Variants in NRXN3 observed in about 807,000 individuals in gnomAD.
The protein encoded by NRXN3 is neurexin III.
In NRXN3, 32 loss-of-function variants were observed where a neutral mutation model predicts 137.6. The observed-to-expected ratio is 0.23, with a 90% CI of 0.18 to 0.31. The LOEUF (loss-of-function observed/expected upper bound fraction) is 0.31, where lower values mean the gene tolerates loss of function less well. Among genes scored for constraint, NRXN3 ranks in the 10% least tolerant of loss-of-function variants. The pLI is 1.00. For synonymous variants in NRXN3, 798 were observed against 784.5 expected (o/e 1.02, Z -0.29); for missense variants, 1,574 against 2,062.5 (o/e 0.76, Z 4.59).
intron 16 of NRXN3, among the ~76,000 whole-genome samples, chr14:79,594,799 T>C (rs1042702609): frequency 1.3e-5 from 2 of 152,154 alleles, no homozygotes; most frequent in African/African-American, 4.8e-5. Context: ...TAACAAATGA[T>C]GAAGTATAGT....
chr14:78,387,600 C>T (rs1302252531), intron 4 of NRXN3, among the ~76,000 whole-genome samples: 3 of 152,286 alleles, frequency 2.0e-5, no homozygotes, highest in East Asian at 1.9e-4. Flanking sequence ...GCCTAATTGG[C>T]CCCTCTCTTG....
chr14:78,990,361 A>ATTTTTTTTTTTTTTTTTTTTTTTT (rs1163720240), intron 15 of NRXN3, among the ~76,000 whole-genome samples: 1 of 76,070 alleles, frequency 1.3e-5, no homozygotes, highest in African/African-American at 5.4e-5. Flanking sequence ...GTTCACATCT[A>ATTTTTTTTTTTTTTTTTTTTTTTT]TTTTTTTTTT....
chr14:78,911,922 G>GTT lies in NRXN3; in HGVS notation c.2276-45311_2276-45310dup, dbSNP rs5809909. On this transcript the variant is annotated intron_variant, in intron 10 of 20. Transcript: ENST00000335750. ...GGTATGTTTTTTTCCTTATGTACAG[G>GTT]TTTTTTTTTTATTATACTTTAAGTT... 2.9e-4 allele frequency among the ~76,000 whole-genome samples: 44 copies of GTT among 149,212 alleles called. No individual in the cohort carries two copies. In the South Asian group the frequency reaches 7.3e-3, roughly 25 times the overall value.
intron 9 of NRXN3, among the ~76,000 whole-genome samples, chr14:78,808,434 G>A (rs1356066387): frequency 2.6e-4 from 40 of 152,094 alleles, no homozygotes; most frequent in Admixed American, 2.2e-3. Flanking sequence ...TCTCATAAGC[G>A]TGCCCATACA....
intron 15 of NRXN3, among the ~76,000 whole-genome samples, chr14:79,107,967 G>A (rs1435774906): frequency 6.6e-6 from 1 of 152,142 alleles, no homozygotes; most frequent in Non-Finnish European, 1.5e-5. Context: ...AATATGGTTA[G>A]TATCTATTCC....
At chr14:79,266,169 A>T (rs1023913130) in intron 15 of NRXN3, among the ~76,000 whole-genome samples, 3 of 152,162 alleles carry the variant, frequency 2.0e-5, no homozygotes, top group Non-Finnish European at 4.4e-5. Flanking sequence ...CCAGGGACTA[A>T]AATCCAGATA....
At chr14:79,503,128 T>C (rs985096584) in intron 16 of NRXN3, among the ~76,000 whole-genome samples, 8 of 152,194 alleles carry the variant, frequency 5.3e-5, no homozygotes, top group Non-Finnish European at 1.0e-4. Flanking sequence ...TAAAATTTGA[T>C]AGTTACTTAT....
intron 15 of NRXN3, among the ~76,000 whole-genome samples, chr14:79,232,594 C>T (rs1007339171): frequency 2.0e-5 from 3 of 152,098 alleles, no homozygotes; most frequent in South Asian, 2.1e-4. Flanking sequence ...TCACTTTTAG[C>T]GACATTGGCT....
At chr14:78,856,158 T>C (rs369628389) in intron 10 of NRXN3, among the ~76,000 whole-genome samples, 25 of 152,328 alleles carry the variant, frequency 1.6e-4, no homozygotes, top group African/African-American at 5.8e-4. Flanking sequence ...ACAGGAGGTC[T>C]ATGAAGCTTT....
At chr14:78,324,801 C>T (rs11624359) in intron 4 of NRXN3, among the ~76,000 whole-genome samples, 14,919 of 152,040 alleles carry the variant, frequency 0.098, 937 homozygotes, top group Middle Eastern at 0.18. Context: ...AGCCATGTCA[C>T]TCAGAATGAG....
At position 78,837,831 on chromosome 14, in the gene NRXN3, T is replaced by A. The variant is rs552206242; in HGVS notation, c.2275+27487T>A. Among the ~76,000 whole-genome samples, 95 of 152,296 alleles carry A rather than the reference T, an allele frequency of 6.2e-4. 1 individual carries two copies. The highest frequency in any genetic ancestry group is 2.3e-3 in the African/African-American group (94 of 41,562). On this transcript the variant is annotated intron_variant, in intron 10 of 20. Transcript: ENST00000335750. ...ACATTACAGTGTTCCAGAAAACATA[T>A]TGGTGTAGATGCAAAATCTTGCCTT...
intron 19 of NRXN3, among the ~76,000 whole-genome samples, chr14:79,764,623 CA>C (rs903769714): frequency 6.6e-6 from 1 of 152,060 alleles, no homozygotes; most frequent in Non-Finnish European, 1.5e-5. Flanking sequence ...TCTATTCCTT[CA>C]TTTTTTTTTT....
chr14:79,034,199 T>C (rs987047002), intron 15 of NRXN3, among the ~76,000 whole-genome samples: 15 of 152,224 alleles, frequency 9.9e-5, no homozygotes, highest in South Asian at 2.1e-4. Flanking sequence ...CCTGTGACTC[T>C]TATGCTCCCT....
intron 4 of NRXN3, among the ~76,000 whole-genome samples, chr14:78,579,926 T>C (rs901768398): frequency 3.3e-5 from 5 of 152,212 alleles, no homozygotes; most frequent in African/African-American, 1.2e-4. Flanking sequence ...CTGTTTCCTC[T>C]TCTCGAAAAT....
intron 2 of NRXN3, among the ~76,000 whole-genome samples, chr14:78,263,343 T>A (rs1352015225): frequency 6.6e-6 from 1 of 152,172 alleles, no homozygotes; most frequent in African/African-American, 2.4e-5. Context: ...TCAGAAAAAA[T>A]TGCAAATAGT....
chr14:79,471,764 A>C (rs1181105284), intron 16 of NRXN3, among the ~76,000 whole-genome samples: 1 of 152,144 alleles, frequency 6.6e-6, no homozygotes, highest in Non-Finnish European at 1.5e-5. Context: ...TTTGTGTCCT[A>C]GATTGAGTAA....
intron 15 of NRXN3, among the ~76,000 whole-genome samples, chr14:79,009,901 A>C (rs1180797525): frequency 6.6e-6 from 1 of 152,220 alleles, no homozygotes; most frequent in Non-Finnish European, 1.5e-5. Context: ...ATAATTCAGC[A>C]AATACTGTGG....
chr14:79,820,711 C>T (rs2099269244), intron 20 of NRXN3, among the ~76,000 whole-genome samples: 1 of 152,070 alleles, frequency 6.6e-6, no homozygotes, highest in African/African-American at 2.4e-5. Context: ...CCTTGTGTTC[C>T]TAAGTCATCA....
intron 4 of NRXN3, among the ~76,000 whole-genome samples, chr14:78,456,320 T>C (rs867025046): frequency 5.3e-5 from 8 of 152,220 alleles, no homozygotes; most frequent in South Asian, 2.1e-4. Context: ...TGAGCCTTGT[T>C]GGAGCAGTTG....
Sources: allele counts gnomAD v4.1 joint callset (sites outside exome capture counted in the v4.1 genomes callset), GRCh38; gene constraint gnomAD v4.1.1; transcripts MANE v1.5; gene names NCBI Gene and HGNC (gene_info 2026-07-23, HGNC 2026-07-21).